DLGAP2: variants seen among roughly 807,000 people sequenced by gnomAD.
DLGAP2 encodes disks large-associated protein 2.
In DLGAP2, 26 loss-of-function variants were observed where a neutral mutation model predicts 100.3. The observed-to-expected ratio is 0.26, with a 90% CI of 0.19 to 0.36. DLGAP2 has a LOEUF of 0.36. DLGAP2 is among the 10% of genes least tolerant of loss of function. The pLI is 1.00. For missense variants in DLGAP2, 1,858 were observed against 1,453.2 expected, an observed-to-expected ratio of 1.28 and a Z score of -4.53; for synonymous variants, 886 against 630.1, an observed-to-expected ratio of 1.41 and a Z score of -6.08.
At chr8:1,539,845 C>T (rs889630383) in intron 4 of DLGAP2, among the ~76,000 whole-genome samples, 15 of 151,710 alleles carry the variant, frequency 9.9e-5, no homozygotes, top group Admixed American at 8.5e-4. Flanking sequence ...GGCCCGTGTC[C>T]TTGTAGGGCC....
At chr8:1,322,470 G>A (rs988420693) in intron 3 of DLGAP2, among the ~76,000 whole-genome samples, 3 of 149,898 alleles carry the variant, frequency 2.0e-5, no homozygotes, top group African/African-American at 4.9e-5. Context: ...GCGTGCACCC[G>A]CCCAGCATGC....
At chr8:1,132,850 C>G (rs537548311) in intron 2 of DLGAP2, among the ~76,000 whole-genome samples, 14 of 152,194 alleles carry the variant, frequency 9.2e-5, no homozygotes, top group Non-Finnish European at 1.6e-4. Context: ...TAGATGGATT[C>G]AGAGATCTTC....
At chr8:1,184,455 A>C (rs960181172) in intron 2 of DLGAP2, among the ~76,000 whole-genome samples, 1 of 152,206 alleles carries the variant, frequency 6.6e-6, no homozygotes, top group Non-Finnish European at 1.5e-5. Flanking sequence ...AGACGGGCAG[A>C]AGAGGCTGAG....
intron 1 of DLGAP2, among the ~76,000 whole-genome samples, chr8:841,395 C>T (rs922048256): frequency 2.0e-5 from 3 of 152,154 alleles, no homozygotes; most frequent in African/African-American, 4.8e-5. Context: ...CCCTGGCAGC[C>T]TTTCGTAGAT....
chr8:1,469,886 G>T (rs1410594344), intron 3 of DLGAP2, among the ~76,000 whole-genome samples: 1 of 152,016 alleles, frequency 6.6e-6, no homozygotes, highest in Non-Finnish European at 1.5e-5. Flanking sequence ...GCCAAGCGTG[G>T]TGGTTTATGC....
chr8:1,204,259 T>C (rs1017344682), intron 2 of DLGAP2, among the ~76,000 whole-genome samples: 29 of 152,306 alleles, frequency 1.9e-4, no homozygotes, highest in African/African-American at 6.7e-4. Context: ...CCGCGAGAGA[T>C]TGAAACTAAA....
At chr8:1,258,251 T>C (rs986804954) in intron 2 of DLGAP2, among the ~76,000 whole-genome samples, 2 of 152,326 alleles carry the variant, frequency 1.3e-5, no homozygotes, top group Middle Eastern at 6.8e-3. Flanking sequence ...TGGGATAAAA[T>C]AGACCATTGT....
At chr8:846,210 C>G (rs1797069077) in intron 1 of DLGAP2, among the ~76,000 whole-genome samples, 1 of 152,208 alleles carries the variant, frequency 6.6e-6, no homozygotes, top group African/African-American at 2.4e-5. Context: ...AGTCATTCCA[C>G]TGTGCAACAG....
chr8:1,024,657 A>G (rs931470323), intron 2 of DLGAP2, among the ~76,000 whole-genome samples: 1 of 152,174 alleles, frequency 6.6e-6, no homozygotes, highest in Non-Finnish European at 1.5e-5. Context: ...AACTAAAAGG[A>G]GGCAACAGAG....
chr8:1,099,113 C>A (rs913632754), intron 2 of DLGAP2, among the ~76,000 whole-genome samples: 1 of 152,092 alleles, frequency 6.6e-6, no homozygotes, highest in Non-Finnish European at 1.5e-5. Context: ...ACTAAAATAA[C>A]CCCAGTTCTC....
At chr8:1,676,714 T>A in intron 11 of DLGAP2, 96 bp downstream of exon 11, 2 of 1,230,564 alleles carry the variant, frequency 1.6e-6, no homozygotes, top group Non-Finnish European at 2.3e-6. Context: ...CCCTCAATCA[T>A]GCCTGTCCTT....
chr8:1,041,736 C>T (rs1036086589), intron 2 of DLGAP2, among the ~76,000 whole-genome samples: 15 of 142,356 alleles, frequency 1.1e-4, no homozygotes, highest in African/African-American at 2.9e-4. Context: ...AGCCCCTTGC[C>T]GTGGGTGAGT....
At chr8:872,358 A>G (rs1402401026) in intron 1 of DLGAP2, among the ~76,000 whole-genome samples, 1 of 132,976 alleles carries the variant, frequency 7.5e-6, no homozygotes, top group Non-Finnish European at 1.5e-5. Flanking sequence ...TTTGAGACAG[A>G]GTTTCACTCT....
intron 3 of DLGAP2, among the ~76,000 whole-genome samples, chr8:1,336,430 G>T (rs957166607): frequency 6.6e-6 from 1 of 152,144 alleles, no homozygotes; most frequent in African/African-American, 2.4e-5. Flanking sequence ...TCAAGAACCG[G>T]CCGGTAGAAG....
At chr8:1,305,789 G>A (rs142973063) in intron 3 of DLGAP2, among the ~76,000 whole-genome samples, 109 of 152,310 alleles carry the variant, frequency 7.2e-4, no homozygotes, top group African/African-American at 2.4e-3. Flanking sequence ...GAGCACTTGA[G>A]TAACAACAGC....
chr8:1,681,574 C>A (rs929316165), intron 12 of DLGAP2, among the ~76,000 whole-genome samples: 19 of 152,030 alleles, frequency 1.2e-4, no homozygotes, highest in African/African-American at 4.6e-4. Context: ...GGGAGGATTG[C>A]CTGAGCCCCA....
At chr8:1,341,808 G>A (rs1008865932) in intron 3 of DLGAP2, among the ~76,000 whole-genome samples, 12 of 152,180 alleles carry the variant, frequency 7.9e-5, no homozygotes, top group African/African-American at 2.9e-4. Context: ...CCCTCCATCT[G>A]CAGGCCCTGG....
chr8:1,623,242 C>G (rs940600166), intron 6 of DLGAP2, among the ~76,000 whole-genome samples: 3 of 152,162 alleles, frequency 2.0e-5, no homozygotes, highest in Non-Finnish European at 4.4e-5. Context: ...AGCATGAATT[C>G]CAGAGCCAGG....
intron 2 of DLGAP2, among the ~76,000 whole-genome samples, chr8:1,149,107 T>C (rs750699862): frequency 1.3e-5 from 2 of 152,146 alleles, no homozygotes; most frequent in African/African-American, 2.4e-5. Flanking sequence ...TTGTCATACC[T>C]TCCTGAAAAA....
Sources: allele counts gnomAD v4.1 joint callset (sites outside exome capture counted in the v4.1 genomes callset), GRCh38; gene constraint gnomAD v4.1.1; transcripts MANE v1.5; gene names NCBI Gene and HGNC (gene_info 2026-07-23, HGNC 2026-07-21).